The following RAB27B variants were observed in gnomAD, a reference collection of about 807,000 sequenced individuals.
RAB27B encodes the protein RAB27B, member RAS oncogene family.
RAB27B carries 15 observed loss-of-function variants against 24.6 expected under a neutral mutation model. The observed-to-expected ratio is 0.61, with a 90% CI of 0.41 to 0.94. RAB27B has a LOEUF of 0.94. RAB27B is among the 40% of genes least tolerant of loss of function. The probability of loss-of-function intolerance (pLI) is 0.00; values close to 1 mark genes in which losing one functional copy is unlikely to be tolerated. For synonymous variants in RAB27B, 105 were observed against 92.5 expected (o/e 1.14, Z -0.78); for missense variants, 261 against 266.8 (o/e 0.98, Z 0.15).
chr18:54,724,033 A>G (rs1361264201), intron 2 of RAB27B, among the ~76,000 whole-genome samples: 2 of 143,894 alleles, frequency 1.4e-5, no homozygotes, highest in Non-Finnish European at 3.2e-5. Flanking sequence ...TAGGGAACAT[A>G]CTTTTATAAA....
intron 1 of RAB27B, among the ~76,000 whole-genome samples, chr18:54,837,576 A>T (rs1252547243): frequency 6.6e-6 from 1 of 152,078 alleles, no homozygotes; most frequent in Non-Finnish European, 1.5e-5. Context: ...ATGACTGGGA[A>T]ATGCAGGCAC....
intron 1 of RAB27B, among the ~76,000 whole-genome samples, chr18:54,850,353 T>C (rs796452699): frequency 0.036 from 4,936 of 137,522 alleles, 704 homozygotes; most frequent in African/African-American, 0.13. Flanking sequence ...TATATATATA[T>C]ATATATACAT....
chr18:54,809,566 A>G (rs12457101), intron 2 of RAB27B, among the ~76,000 whole-genome samples: 34,708 of 152,194 alleles, frequency 0.23, 4,223 homozygotes, highest in East Asian at 0.4. Flanking sequence ...GTTCAAGCCA[A>G]TGAAATTTGA....
chr18:54,752,150 T>C (rs11874626), intron 2 of RAB27B, among the ~76,000 whole-genome samples: 9,470 of 152,256 alleles, frequency 0.062, 374 homozygotes, highest in Admixed American at 0.086. Context: ...GTGGTGAACA[T>C]GGTGGTGAGC....
At chr18:54,718,886 C>G (rs890697198) in intron 2 of RAB27B, among the ~76,000 whole-genome samples, 2 of 152,138 alleles carry the variant, frequency 1.3e-5, no homozygotes, top group African/African-American at 4.8e-5. Context: ...GCATTCAAGG[C>G]TCTTTTAATA....
intron 2 of RAB27B, among the ~76,000 whole-genome samples, chr18:54,786,666 T>A (rs1909096706): frequency 6.6e-6 from 1 of 152,242 alleles, no homozygotes; most frequent in Non-Finnish European, 1.5e-5. Flanking sequence ...ATTCTATAAG[T>A]CATTGAAAAT....
chr18:54,760,652 G>A (rs1392475534), intron 2 of RAB27B, among the ~76,000 whole-genome samples: 1 of 152,142 alleles, frequency 6.6e-6, no homozygotes, highest in Non-Finnish European at 1.5e-5. Context: ...AAAGTGTGAT[G>A]TGCAAATTGA....
chr18:54,827,012 C>T (rs1296494018), upstream of RAB27B, among the ~76,000 whole-genome samples: 3 of 152,166 alleles, frequency 2.0e-5, no homozygotes, highest in Non-Finnish European at 4.4e-5. Flanking sequence ...AATGTGTTAA[C>T]AGTGGAAAAG....
upstream of RAB27B, among the ~76,000 whole-genome samples, chr18:54,826,476 T>C (rs1035123612): frequency 1.3e-5 from 2 of 152,160 alleles, no homozygotes; most frequent in Non-Finnish European, 2.9e-5. Flanking sequence ...CACTCTCTGG[T>C]AGTGTCACTA....
intron 2 of RAB27B, among the ~76,000 whole-genome samples, chr18:54,786,160 T>C (rs914417677): frequency 2.0e-5 from 3 of 152,232 alleles, no homozygotes; most frequent in Non-Finnish European, 4.4e-5. Context: ...GATAATGTAA[T>C]GTCTGTTAGT....
intron 2 of RAB27B, among the ~76,000 whole-genome samples, chr18:54,812,096 C>T (rs9946423): frequency 0.022 from 3,395 of 152,204 alleles, 105 homozygotes; most frequent in African/African-American, 0.078. Flanking sequence ...ATCTGTTGTA[C>T]CTTTCTCTTG....
chr18:54,825,114 A>C (rs1046425752), upstream of RAB27B, among the ~76,000 whole-genome samples: 7 of 152,210 alleles, frequency 4.6e-5, no homozygotes, highest in African/African-American at 1.7e-4. Flanking sequence ...GTTCAAAATA[A>C]TTTCATTTAA....
chr18:54,861,136 G>T lies in RAB27B; in HGVS notation c.-19-16431G>T, dbSNP rs1234882414. 2.6e-5 allele frequency among the ~76,000 whole-genome samples: 4 copies of T among 152,126 alleles called. No homozygotes were observed. In the East Asian group the frequency reaches 7.7e-4, roughly 29 times the overall value. On this transcript the variant is annotated intron_variant, in intron 1 of 5. Coordinates refer to ENST00000262094, the MANE Select transcript of RAB27B (RefSeq NM_004163.4). ...TGTGGGCAGATATTTTGATTAGTTT[G>T]CCCTTTCTCAGATAATAAAGCAAAG...
At chr18:54,806,557 A>C (rs1909796248) in intron 2 of RAB27B, among the ~76,000 whole-genome samples, 1 of 147,806 alleles carries the variant, frequency 6.8e-6, no homozygotes, top group African/African-American at 2.5e-5. Context: ...ATAAGCCACA[A>C]TTATATATTA....
At chr18:54,756,375 C>T (rs1278579372) in intron 2 of RAB27B, among the ~76,000 whole-genome samples, 1 of 152,078 alleles carries the variant, frequency 6.6e-6, no homozygotes, top group Non-Finnish European at 1.5e-5. Flanking sequence ...ATTAGGTCTC[C>T]CACATTATTT....
chr18:54,866,681 T>G lies in RAB27B; in HGVS notation c.-19-10886T>G, dbSNP rs548420391. Among the ~76,000 whole-genome samples the G allele has an allele frequency of 5.3e-5, 8 of 152,332 alleles. No homozygotes were observed. In the South Asian group the frequency reaches 8.3e-4, roughly 16 times the overall value. ...GAGGGGAAGAGAGGGCAGGGGTCCC[T>G]CAGACAGGTAATGTTTATGCTGACA... On this transcript the variant is annotated intron_variant, in intron 1 of 5. Coordinates refer to ENST00000262094, the MANE Select transcript of RAB27B (RefSeq NM_004163.4).
At chr18:54,873,883 G>T (rs979832357) in intron 1 of RAB27B, among the ~76,000 whole-genome samples, 2 of 152,116 alleles carry the variant, frequency 1.3e-5, no homozygotes, top group African/African-American at 4.8e-5. Flanking sequence ...GAAAAATGAA[G>T]ATTTTTCCAC....
At chr18:54,751,215 C>A (rs1036344637) in intron 2 of RAB27B, among the ~76,000 whole-genome samples, 4 of 151,970 alleles carry the variant, frequency 2.6e-5, no homozygotes, top group African/African-American at 7.3e-5. Flanking sequence ...GACAGGAGTG[C>A]TGAAGAGGAT....
At chr18:54,842,935 C>T (rs1427505624) in intron 1 of RAB27B, among the ~76,000 whole-genome samples, 3 of 152,130 alleles carry the variant, frequency 2.0e-5, no homozygotes, top group Admixed American at 1.3e-4. Flanking sequence ...GCTGGAACTA[C>T]AGGCACCCGT....
Sources: gnomAD v4.1 joint callset for allele counts (sites outside exome capture counted in the v4.1 genomes callset) on GRCh38, gnomAD v4.1.1 for gene constraint, MANE v1.5 for transcripts, NCBI Gene and HGNC (gene_info 2026-07-23, HGNC 2026-07-21) for gene names.